The following ULK4 variants were observed in gnomAD, a reference collection of about 807,000 sequenced individuals.
The protein encoded by ULK4 is inactive serine/threonine-protein kinase ULK4.
ULK4 carries 133 observed loss-of-function variants against 160.6 expected under a neutral mutation model. The observed-to-expected ratio is 0.83, with a 90% CI of 0.72 to 0.96. The LOEUF (loss-of-function observed/expected upper bound fraction) is 0.96, where lower values mean the gene tolerates loss of function less well. ULK4 is among the 40% of genes least tolerant of loss of function. The pLI, the probability that ULK4 is intolerant of heterozygous loss-of-function variation, is 0.00. For missense variants in ULK4, 1,580 were observed against 1,499.5 expected (o/e 1.05, Z -0.89); for synonymous variants, 534 against 539.8 (o/e 0.99, Z 0.15).
chr3:41,791,576 C>A (rs540405319), intron 20 of ULK4, among the ~76,000 whole-genome samples: 1 of 152,146 alleles, frequency 6.6e-6, no homozygotes, highest in Non-Finnish European at 1.5e-5. Flanking sequence ...AATGGGGCCA[C>A]GAAGAACCTT....
At chr3:41,463,620 A>G (rs2083749400) in intron 32 of ULK4, among the ~76,000 whole-genome samples, 1 of 152,238 alleles carries the variant, frequency 6.6e-6, no homozygotes, top group Non-Finnish European at 1.5e-5. Flanking sequence ...TCTTTAGTGC[A>G]TGATCAAGGG....
intron 17 of ULK4, among the ~76,000 whole-genome samples, chr3:41,878,189 T>C (rs1002675118): frequency 6.7e-6 from 1 of 149,994 alleles, no homozygotes; most frequent in African/African-American, 2.5e-5. Context: ...AAACTAGGGG[T>C]TGACTATTCC....
At chr3:41,542,635 G>A (rs2086734047) in intron 32 of ULK4, among the ~76,000 whole-genome samples, 1 of 152,130 alleles carries the variant, frequency 6.6e-6, no homozygotes, top group Admixed American at 6.6e-5. Flanking sequence ...ATTCGGCTGT[G>A]AATCCATCTG....
chr3:41,412,852 T>C (rs973445033), intron 34 of ULK4, among the ~76,000 whole-genome samples: 1 of 152,116 alleles, frequency 6.6e-6, no homozygotes, highest in Non-Finnish European at 1.5e-5. Context: ...TGAACCACTG[T>C]GCCTGGCCAA....
At chr3:41,423,319 T>C (rs1452998338) in intron 34 of ULK4, among the ~76,000 whole-genome samples, 2 of 152,142 alleles carry the variant, frequency 1.3e-5, no homozygotes, top group Admixed American at 1.3e-4. Context: ...CGTTTTCTAA[T>C]TCAAATGTGT....
intron 32 of ULK4, among the ~76,000 whole-genome samples, chr3:41,480,705 G>C (rs1489171625): frequency 2.6e-5 from 4 of 152,040 alleles, no homozygotes; most frequent in Non-Finnish European, 5.9e-5. Flanking sequence ...ACATACCCAA[G>C]ACTGGGTAAT....
chr3:41,951,307 C>T (rs1700288912), intron 2 of ULK4, among the ~76,000 whole-genome samples: 1 of 151,596 alleles, frequency 6.6e-6, no homozygotes, highest in Non-Finnish European at 1.5e-5. Context: ...TTATCAAAAT[C>T]CCAACAACTA....
intron 32 of ULK4, among the ~76,000 whole-genome samples, chr3:41,471,663 C>T (rs936209531): frequency 2.6e-5 from 4 of 151,958 alleles, no homozygotes; most frequent in Non-Finnish European, 5.9e-5. Flanking sequence ...AGTACCTTTA[C>T]CAAATAGGAT....
chr3:41,706,827 CA>C (rs1156423434), intron 25 of ULK4, among the ~76,000 whole-genome samples: 3,047 of 58,020 alleles, frequency 0.053, 180 homozygotes, highest in African/African-American at 0.11. Flanking sequence ...GACTCTGTCT[CA>C]AAAAAAAAAA....
At chr3:41,866,767 T>C (rs112362502) in intron 17 of ULK4, among the ~76,000 whole-genome samples, 53 of 128,020 alleles carry the variant, frequency 4.1e-4, no homozygotes, top group East Asian at 1.6e-3. Flanking sequence ...GGAACTGTTA[T>C]CATTATTAAA....
At chr3:41,533,659 G>C (rs1296475171) in intron 32 of ULK4, among the ~76,000 whole-genome samples, 1 of 152,162 alleles carries the variant, frequency 6.6e-6, no homozygotes, top group Non-Finnish European at 1.5e-5. Flanking sequence ...GCAGAATTAA[G>C]TAGCAGCAAC....
At position 41,844,164 on chromosome 3, in the gene ULK4, G is replaced by A. The variant is rs576893203; in HGVS notation, c.1657-8193C>T. Among the ~76,000 whole-genome samples, 1,399 of 152,252 alleles carry A rather than the reference G, an allele frequency of 9.2e-3. 27 individuals are homozygous for A. Among genetic ancestry groups the A allele is most frequent in the African/African-American group, 0.031 (1,305 of 41,566 alleles). ...GCTGCCTGCCAGTCCCGTGCCCTGT[G>A]CCCACACTCCTCAGCCCTTGGGTGG... On this transcript the variant is annotated intron_variant, in intron 17 of 36. Transcript: ENST00000301831.
At position 41,580,227 on chromosome 3, in the gene ULK4, G is replaced by A. The variant is rs144687122; in HGVS notation, c.3121-14097C>T. Among the ~76,000 whole-genome samples, 1,149 of 152,208 alleles carry A rather than the reference G, an allele frequency of 7.5e-3. 10 individuals are homozygous for A. The highest frequency in any genetic ancestry group is 0.02 in the African/African-American group (833 of 41,528). ...GTATTTATAGGGGTTGAGCACAGAGGGGGTGCTGGTCTTTAGGAGACGTCC... is the reference window on the plus strand; with the variant it reads ...GTATTTATAGGGGTTGAGCACAGAGAGGGTGCTGGTCTTTAGGAGACGTCC... On this transcript the variant is annotated intron_variant, in intron 31 of 36. Transcript: ENST00000301831.
intron 32 of ULK4, among the ~76,000 whole-genome samples, chr3:41,471,876 A>T (rs2084000290): frequency 6.6e-6 from 1 of 151,982 alleles, no homozygotes; most frequent in Non-Finnish European, 1.5e-5. Flanking sequence ...AAAGTTTATT[A>T]CAATAAGTAC....
intron 22 of ULK4, among the ~76,000 whole-genome samples, chr3:41,742,344 A>G (rs1439142580): frequency 6.6e-6 from 1 of 152,002 alleles, no homozygotes; most frequent in East Asian, 1.9e-4. Context: ...CAATAGAAAC[A>G]GGCCATTCTT....
chr3:41,508,905 A>G (rs2085483127), intron 32 of ULK4, among the ~76,000 whole-genome samples: 1 of 152,152 alleles, frequency 6.6e-6, no homozygotes. Flanking sequence ...GTAATATGAC[A>G]AAACAAGGTA....
At chr3:41,766,803 G>C (rs1004181498) in intron 21 of ULK4, 49 of 152,318 alleles carry the variant, frequency 3.2e-4, no homozygotes, top group African/African-American at 1.1e-3. Flanking sequence ...CTTTGGTTGG[G>C]ACACACATGT....
intron 34 of ULK4, among the ~76,000 whole-genome samples, chr3:41,449,927 T>C (rs12494300): frequency 0.21 from 30,661 of 147,242 alleles, 3,744 homozygotes; most frequent in East Asian, 0.57. Context: ...GGGTCCTAAA[T>C]GGACTGTCAA....
At chr3:41,294,395 T>G (rs2125705665) in intron 35 of ULK4, among the ~76,000 whole-genome samples, 1 of 152,308 alleles carries the variant, frequency 6.6e-6, no homozygotes, top group South Asian at 2.1e-4. Flanking sequence ...TAATTTCTTT[T>G]CCTTATAAAT....
Sources: gnomAD v4.1 joint callset for allele counts (sites outside exome capture counted in the v4.1 genomes callset) on GRCh38, gnomAD v4.1.1 for gene constraint, MANE v1.5 for transcripts, NCBI Gene and HGNC (gene_info 2026-07-23, HGNC 2026-07-21) for gene names.